SNN: variants seen among roughly 807,000 people sequenced by gnomAD.
SNN encodes the protein stannin.
Under a neutral mutation model 5.3 loss-of-function variants are expected in SNN, and 5 were observed. The observed-to-expected ratio is 0.94, with a 90% confidence interval of 0.49 to 1.97. SNN has a LOEUF of 1.97. SNN is among the 30% of genes most tolerant of loss of function. The pLI is 0.01. For synonymous variants in SNN, 67 were observed against 52.1 expected (o/e 1.29, Z -1.24); for missense variants, 127 against 121.6 (o/e 1.04, Z -0.21).
In SNN at chr16:11,672,902, T is replaced by C. The variant is rs1027751184; in HGVS notation, c.-85-3073T>C. 2.6e-5 allele frequency among the ~76,000 whole-genome samples: 4 copies of C among 152,168 alleles called. No homozygotes were observed. In the East Asian group the frequency reaches 7.7e-4, roughly 29 times the overall value. ...TGCCTCCTGGCCTGCCCACCTGGCT[T>C]TGCCCCGCCTATCCCAGGTCCTGGT... On this transcript the variant is annotated intron_variant, in intron 1 of 1. Transcript: ENST00000329565. The surrounding 1 kb of genome is among the most constrained non-coding windows in gnomAD (Gnocchi z 6.0).
rs1245455346 is a variant in SNN, at chr16:11,672,241, C to T, written c.-86+3701C>T. On this transcript the variant is annotated intron_variant, in intron 1 of 1. Transcript: ENST00000329565. This position sits in a 1 kb window ranked among gnomAD's most constrained non-coding sequence, Gnocchi z 6.0. Reference sequence around the variant, plus strand: ...ACAGACGGTGCCCTCCTTGGACTGCCTTGGAGTCCAGTGCGGGGAGTGAGA... The same window carrying T: ...ACAGACGGTGCCCTCCTTGGACTGCTTTGGAGTCCAGTGCGGGGAGTGAGA... Among the ~76,000 whole-genome samples, 5 of 152,210 alleles carry T rather than the reference C, an allele frequency of 3.3e-5. No homozygotes were observed. The highest frequency in any genetic ancestry group is 1.2e-4 in the African/African-American group (5 of 41,456).
In SNN at chr16:11,668,872, C is replaced by T. The variant is rs1219553030; in HGVS notation, c.-86+332C>T. The stretch of plus-strand genomic sequence containing the variant: ...CGTCCTCAGCTACGCTCCCGCCTTC[C>T]CCCGGCATTTCGGGGTTCTTCAAAA... On this transcript the variant is annotated intron_variant, in intron 1 of 1. Transcript: ENST00000329565. The surrounding 1 kb of genome is among the most constrained non-coding windows in gnomAD (Gnocchi z 6.8). Among the ~76,000 whole-genome samples the T allele has an allele frequency of 6.6e-6, 1 of 152,040 alleles. No individual in the cohort carries two copies. Among genetic ancestry groups the T allele is most frequent in the Non-Finnish European group, 1.5e-5 (1 of 67,936 alleles).
rs1231718012 is a variant in SNN, at chr16:11,671,310, G to C, written c.-86+2770G>C. Among the ~76,000 whole-genome samples the C allele has an allele frequency of 6.6e-6, 1 of 152,168 alleles. No homozygotes were observed. Among genetic ancestry groups the C allele is most frequent in the Non-Finnish European group, 1.5e-5 (1 of 68,022 alleles). On this transcript the variant is annotated intron_variant, in intron 1 of 1. Coordinates refer to ENST00000329565, the MANE Select transcript of SNN (RefSeq NM_003498.6). The surrounding 1 kb of genome is among the most constrained non-coding windows in gnomAD (Gnocchi z 4.7). ...AAGACTGAAGGCACATGGAGCAGGA[G>C]GGTGTGTGTTTGGGGGATCCAGATG...
intron 1 of SNN, among the ~76,000 whole-genome samples, chr16:11,669,414 G>T (rs2050251956): frequency 6.6e-6 from 1 of 152,250 alleles, no homozygotes; most frequent in East Asian, 1.9e-4. Context: ...GGAGAATGTG[G>T]CATTTTAGAG....
chr16:11,678,287 A>T lies in SNN; in HGVS notation c.*1961A>T, dbSNP rs2050325241. 6.0e-6 allele frequency: 1 copy of T among 167,098 alleles called. No individual in the cohort carries two copies. Among genetic ancestry groups the T allele is most frequent in the Non-Finnish European group, 1.5e-5 (1 of 68,148 alleles). 10.4% of individuals were successfully genotyped at this position (167,098 alleles called of 1,614,324 possible). On this transcript the variant is annotated 3_prime_UTR_variant, in exon 2 of 2. Coordinates refer to ENST00000329565, the MANE Select transcript of SNN (RefSeq NM_003498.6). ...GTAAAAGTTTGCTTTGGTGAGTGAG[A>T]AAAGGCTGGGGCGTGTGATCCATCC...
Position 11,676,306 on chromosome 16 carries a change from G to C in SNN, c.247G>C (p.Gly83Arg). Reference sequence around the variant, plus strand: ...AAAGGCCAAGCTGATGACTCCCAACGGCCCGGAAGTCCACGGCTGAGCCAG... The same window carrying C: ...AAAGGCCAAGCTGATGACTCCCAACCGCCCGGAAGTCCACGGCTGAGCCAG... ...ERKAKLMTPN[G>R]PEVHG The change falls in exon 2 of 2, where the codon GGC (glycine) becomes CGC (arginine). Residue 83 changes from glycine (G) to arginine (R), a missense_variant. By Grantham distance (125) the Gly-to-Arg change is moderately radical. Coordinates refer to ENST00000329565, the MANE Select transcript of SNN (RefSeq NM_003498.6). 4 of 1,613,412 alleles carry C rather than the reference G, an allele frequency of 2.5e-6. 1 individual carries two copies. In the South Asian group the frequency reaches 4.4e-5, roughly 18 times the overall value.
At position 11,668,456 on chromosome 16, in the gene SNN, A is replaced by T. The variant is rs1173447481; in HGVS notation, c.-170A>T. On this transcript the variant is annotated 5_prime_UTR_variant, in exon 1 of 2. Transcript: ENST00000329565. This position sits in a 1 kb window ranked among gnomAD's most constrained non-coding sequence, Gnocchi z 6.8. Reference sequence around the variant, plus strand: ...CGCAGCGCGGGGCTCCTGCGTCCCGAGTGCGCGGCGGCCGGACCGGGCGGG... The same window carrying T: ...CGCAGCGCGGGGCTCCTGCGTCCCGTGTGCGCGGCGGCCGGACCGGGCGGG... The T allele has an allele frequency of 6.9e-6, 1 of 145,390 alleles. No homozygotes were observed. Among genetic ancestry groups the T allele is most frequent in the East Asian group, 2.0e-4 (1 of 4,888 alleles). 9.0% of individuals were successfully genotyped at this position (145,390 alleles called of 1,614,324 possible).
At chr16:11,670,548 C>G (rs2050260273) in intron 1 of SNN, among the ~76,000 whole-genome samples, 1 of 152,186 alleles carries the variant, frequency 6.6e-6, no homozygotes, top group Non-Finnish European at 1.5e-5. Context: ...GACATGCAAA[C>G]CTGGTGACCT....
At position 11,672,127 on chromosome 16, in the gene SNN, C is replaced by G. The variant is rs2050269621; in HGVS notation, c.-86+3587C>G. ...GAACAGGGTCTCCTCTAACTCATCACTGTATCTGCAGGGAGGGAACACTCA... is the reference window on the plus strand; with the variant it reads ...GAACAGGGTCTCCTCTAACTCATCAGTGTATCTGCAGGGAGGGAACACTCA... On this transcript the variant is annotated intron_variant, in intron 1 of 1. Transcript: ENST00000329565. The surrounding 1 kb of genome is among the most constrained non-coding windows in gnomAD (Gnocchi z 6.0). 6.6e-6 allele frequency among the ~76,000 whole-genome samples: 1 copy of G among 152,194 alleles called. No homozygotes were observed. Among genetic ancestry groups the G allele is most frequent in the Non-Finnish European group, 1.5e-5 (1 of 68,038 alleles).
chr16:11,672,185 C>T lies in SNN; in HGVS notation c.-86+3645C>T, dbSNP rs568493073. ...ATTCACTGAGCACCTACTGTGTACC[C>T]GTGCAGGGCAGGGGTACAGCTGTGG... On this transcript the variant is annotated intron_variant, in intron 1 of 1. Coordinates refer to ENST00000329565, the MANE Select transcript of SNN (RefSeq NM_003498.6). The surrounding 1 kb of genome is among the most constrained non-coding windows in gnomAD (Gnocchi z 6.0). Among the ~76,000 whole-genome samples, 9 of 152,286 alleles carry T rather than the reference C, an allele frequency of 5.9e-5. No individual in the cohort carries two copies. The highest frequency in any genetic ancestry group is 4.1e-4 in the South Asian group (2 of 4,828).
Position 11,676,457 on chromosome 16 carries a change from C to T in SNN, c.*131C>T, listed in dbSNP as rs1201751989. ...CTGGCATGGCCTCTGCGGGCTTCGT[C>T]ATCGCATGCACTGATGCCCGGGGAC... On this transcript the variant is annotated 3_prime_UTR_variant, in exon 2 of 2. Coordinates refer to ENST00000329565, the MANE Select transcript of SNN (RefSeq NM_003498.6). 4 of 1,155,400 alleles carry T rather than the reference C, an allele frequency of 3.5e-6. No homozygotes were observed. In the Admixed American group the frequency reaches 7.8e-5, roughly 22 times the overall value. 71.6% of individuals were successfully genotyped at this position (1,155,400 alleles called of 1,614,324 possible).
intron 1 of SNN, 34 bp from the exon 2 acceptor site, chr16:11,675,939 GCT>G: frequency 9.5e-7 from 1 of 1,054,398 alleles, no homozygotes; most frequent in Non-Finnish European, 1.3e-6. Context: ...CCGTGGAAGT[GCT>G]AACCGCAGCT....
In SNN at chr16:11,672,235, G is replaced by T. The variant is rs1438778512; in HGVS notation, c.-86+3695G>T. Among the ~76,000 whole-genome samples the T allele has an allele frequency of 6.6e-6, 1 of 152,198 alleles. No homozygotes were observed. The highest frequency in any genetic ancestry group is 1.5e-5 in the Non-Finnish European group (1 of 68,040). On this transcript the variant is annotated intron_variant, in intron 1 of 1. Transcript: ENST00000329565. This position sits in a 1 kb window ranked among gnomAD's most constrained non-coding sequence, Gnocchi z 6.0. The stretch of plus-strand genomic sequence containing the variant: ...GGCGGGACAGACGGTGCCCTCCTTG[G>T]ACTGCCTTGGAGTCCAGTGCGGGGA...
At chr16:11,674,827 GC>G (rs1323020989) in intron 1 of SNN, among the ~76,000 whole-genome samples, 6 of 152,156 alleles carry the variant, frequency 3.9e-5, no homozygotes, top group African/African-American at 7.2e-5. Flanking sequence ...TAGCATCTTG[GC>G]ACCTGGTTGC....
intron 1 of SNN, among the ~76,000 whole-genome samples, chr16:11,675,120 C>T (rs1309061388): frequency 4.6e-5 from 7 of 152,072 alleles, no homozygotes; most frequent in East Asian, 1.9e-4. Flanking sequence ...TTCCCAGGCC[C>T]GATGCAGTGC....
intron 1 of SNN, among the ~76,000 whole-genome samples, chr16:11,674,656 C>T (rs2050286898): frequency 6.6e-6 from 1 of 152,232 alleles, no homozygotes; most frequent in Non-Finnish European, 1.5e-5. Flanking sequence ...CTGGGAGGGG[C>T]CTCATCCCCG....
chr16:11,674,714 G>T (rs913922711), intron 1 of SNN, among the ~76,000 whole-genome samples: 7 of 152,290 alleles, frequency 4.6e-5, no homozygotes, highest in African/African-American at 1.7e-4. Flanking sequence ...CTTGCCAGGG[G>T]GACCCTCTCT....
chr16:11,670,938 G>A (rs1401144328), intron 1 of SNN, among the ~76,000 whole-genome samples: 1 of 152,212 alleles, frequency 6.6e-6, no homozygotes, highest in Non-Finnish European at 1.5e-5. Context: ...CCCCGGCTCT[G>A]CCCCCATGCT....
chr16:11,672,621 G>C lies in SNN; in HGVS notation c.-85-3354G>C, dbSNP rs2050272823. Among the ~76,000 whole-genome samples, 1 of 152,198 alleles carries C rather than the reference G, an allele frequency of 6.6e-6. No homozygotes were observed. The highest frequency in any genetic ancestry group is 2.1e-4 in the South Asian group (1 of 4,834). The stretch of plus-strand genomic sequence containing the variant: ...AGGAAACATTTGCTGAGTGAATGAA[G>C]GAACAGATACGCACTCGGGAGGGCC... On this transcript the variant is annotated intron_variant, in intron 1 of 1. Transcript: ENST00000329565. The surrounding 1 kb of genome is among the most constrained non-coding windows in gnomAD (Gnocchi z 6.0).
Sources: allele counts gnomAD v4.1 joint callset (sites outside exome capture counted in the v4.1 genomes callset), GRCh38; gene constraint gnomAD v4.1.1; non-coding constraint Gnocchi (gnomAD v3.1); transcripts MANE v1.5; gene names NCBI Gene and HGNC (gene_info 2026-07-23, HGNC 2026-07-21).